Variants in AOAH observed in about 807,000 individuals in gnomAD.
The protein encoded by AOAH is acyloxyacyl hydrolase.
AOAH carries 64 observed loss-of-function variants against 92.2 expected under a neutral mutation model. That is an observed-to-expected ratio of 0.69 (90% CI 0.57 to 0.86). The LOEUF is 0.86. AOAH is among the 40% of genes least tolerant of loss of function. The probability of loss-of-function intolerance (pLI) is 0.00; values close to 1 mark genes in which losing one functional copy is unlikely to be tolerated. For synonymous variants in AOAH, 263 were observed against 254.5 expected, an observed-to-expected ratio of 1.03 and a Z score of -0.32; for missense variants, 656 against 694.6, an observed-to-expected ratio of 0.94 and a Z score of 0.62.
chr7:36,583,609 G>T (rs1322904029), intron 12 of AOAH, among the ~76,000 whole-genome samples: 2 of 152,158 alleles, frequency 1.3e-5, no homozygotes, highest in African/African-American at 4.8e-5. Context: ...TACAGAGGAG[G>T]TCCTAGGAGT....
At chr7:36,659,387 T>A in intron 3 of AOAH, 122 bp from the exon 4 acceptor site, 2 of 780,286 alleles carry the variant, frequency 2.6e-6, no homozygotes, top group East Asian at 2.7e-5. Flanking sequence ...CCTTGCAGAG[T>A]GGCCTTTGAC....
Position 36,540,420 on chromosome 7 carries a change from T to A in AOAH, c.1205A>T (p.His402Leu). Reference protein sequence around the residue: ...LYSNVMQTLKHLNSHLPNGSH... With the variant: ...LYSNVMQTLKLLNSHLPNGSH... ...GCCATTGGGCAGGTGGGAATTTAGA[T>A]GCTTCAGAGTCTGCATGACGTTGGA... is the stretch of plus-strand genomic sequence containing the variant. The change falls in exon 16 of 21, where the codon CAT (histidine) becomes CTT (leucine). Residue 402 changes from histidine (H) to leucine (L), a missense_variant. Physicochemically the swap from His to Leu is moderately conservative, Grantham distance 99. Coordinates refer to ENST00000617537, the MANE Select transcript of AOAH (RefSeq NM_001637.4). 1.2e-6 allele frequency: 2 copies of A among 1,614,156 alleles called. No homozygotes were observed. Among genetic ancestry groups the A allele is most frequent in the Non-Finnish European group, 1.7e-6 (2 of 1,179,988 alleles).
At chr7:36,586,636 G>A (rs1219657866) in intron 12 of AOAH, among the ~76,000 whole-genome samples, 2 of 152,088 alleles carry the variant, frequency 1.3e-5, no homozygotes, top group Non-Finnish European at 2.9e-5. Context: ...TCAAACTTTT[G>A]CTCTCAGGAC....
chr7:36,658,943 C>T (rs537579911), intron 4 of AOAH, among the ~76,000 whole-genome samples: 1 of 152,326 alleles, frequency 6.6e-6, no homozygotes, highest in Non-Finnish European at 1.5e-5. Flanking sequence ...CTCAAAATTA[C>T]AGTCCACAAT....
In AOAH at chr7:36,516,469, C is replaced by CCACACACA. The variant is rs60180758; in HGVS notation, c.1600-3097_1600-3090dup. The stretch of plus-strand genomic sequence containing the variant: ...CACACACACAGAAAGTGCACGGATA[C>CCACACACA]CACACACACACACACACAGAAAGCG... On this transcript the variant is annotated intron_variant, in intron 20 of 20. Transcript: ENST00000617537. This position sits in a 1 kb window ranked among gnomAD's most constrained non-coding sequence, Gnocchi z 5.0. Among the ~76,000 whole-genome samples, 1 of 88,334 alleles carries CCACACACA rather than the reference C, an allele frequency of 1.1e-5. No homozygotes were observed. The highest frequency in any genetic ancestry group is 3.6e-4 in the East Asian group (1 of 2,794). 58.0% of individuals were successfully genotyped at this position (88,334 alleles called of 152,430 possible).
At chr7:36,653,342 TTTTA>T (rs879637722) in intron 4 of AOAH, among the ~76,000 whole-genome samples, 4 of 152,242 alleles carry the variant, frequency 2.6e-5, no homozygotes, top group South Asian at 2.1e-4. Flanking sequence ...ATGCCAGGTA[TTTTA>T]TTTGACACCT....
chr7:36,627,185 A>ATGC (rs1171206522), intron 6 of AOAH, among the ~76,000 whole-genome samples: 63 of 152,348 alleles, frequency 4.1e-4, no homozygotes, highest in African/African-American at 1.4e-3. Context: ...TAATGCATCA[A>ATGC]AAGATAACTA....
chr7:36,598,679 C>T (rs1439988561), intron 11 of AOAH, among the ~76,000 whole-genome samples: 1 of 152,124 alleles, frequency 6.6e-6, no homozygotes, highest in Non-Finnish European at 1.5e-5. Flanking sequence ...TTTGAGCACA[C>T]TAATAGAAGC....
intron 18 of AOAH, among the ~76,000 whole-genome samples, chr7:36,531,245 T>A (rs763610243): frequency 6.6e-6 from 1 of 152,188 alleles, no homozygotes; most frequent in Non-Finnish European, 1.5e-5. Context: ...GAATTTTGCG[T>A]GATATTTGTT....
chr7:36,607,023 T>C (rs979946811), intron 11 of AOAH, among the ~76,000 whole-genome samples: 2 of 152,162 alleles, frequency 1.3e-5, no homozygotes, highest in Non-Finnish European at 2.9e-5. Flanking sequence ...ACAAATATCT[T>C]TCCAGATGAA....
intron 12 of AOAH, among the ~76,000 whole-genome samples, chr7:36,593,017 G>A (rs2718175): frequency 0.51 from 77,621 of 151,896 alleles, 20,095 homozygotes; most frequent in East Asian, 0.62. Context: ...TTTCTTCTAT[G>A]CCCCTTTTAT....
chr7:36,569,938 A>T (rs1788020199), intron 13 of AOAH, among the ~76,000 whole-genome samples: 1 of 151,400 alleles, frequency 6.6e-6, no homozygotes, highest in Admixed American at 6.6e-5. Flanking sequence ...ATTTTATACC[A>T]CTTTAATATT....
At chr7:36,579,452 T>A (rs1011201731) in intron 12 of AOAH, among the ~76,000 whole-genome samples, 4 of 151,758 alleles carry the variant, frequency 2.6e-5, no homozygotes, top group Admixed American at 2.6e-4. Flanking sequence ...TATACAACAA[T>A]AACATAAATC....
At chr7:36,574,851 C>CT (rs999090355) in intron 13 of AOAH, among the ~76,000 whole-genome samples, 12 of 151,846 alleles carry the variant, frequency 7.9e-5, no homozygotes, top group Non-Finnish European at 1.2e-4. Flanking sequence ...CTACGTATAC[C>CT]TTTTTTTTCC....
chr7:36,722,020 C>G (rs1799659212), intron 1 of AOAH, among the ~76,000 whole-genome samples: 1 of 152,126 alleles, frequency 6.6e-6, no homozygotes, highest in East Asian at 1.9e-4. Flanking sequence ...GATGAGCCAA[C>G]CCTCTAGCCA....
intron 4 of AOAH, among the ~76,000 whole-genome samples, chr7:36,645,351 C>T (rs1336487073): frequency 6.6e-6 from 1 of 152,120 alleles, no homozygotes; most frequent in African/African-American, 2.4e-5. Context: ...CTGTTGGCAC[C>T]GTGATATTGG....
At chr7:36,662,473 T>A (rs1456249022) in intron 3 of AOAH, among the ~76,000 whole-genome samples, 1 of 152,218 alleles carries the variant, frequency 6.6e-6, no homozygotes, top group Non-Finnish European at 1.5e-5. Context: ...ACCAAACTAA[T>A]GTCTACCAGG....
chr7:36,595,536 AAAAT>A (rs1790041978), intron 11 of AOAH, among the ~76,000 whole-genome samples: 1 of 152,228 alleles, frequency 6.6e-6, no homozygotes, highest in South Asian at 2.1e-4. Context: ...CTCTGTCTCA[AAAAT>A]AAATAAATAC....
At chr7:36,575,254 C>T (rs1012605340) in intron 13 of AOAH, among the ~76,000 whole-genome samples, 11 of 152,142 alleles carry the variant, frequency 7.2e-5, no homozygotes, top group African/African-American at 2.7e-4. Context: ...GGGATCATAG[C>T]CCAATGACTG....
Sources: gnomAD v4.1 joint callset for allele counts (sites outside exome capture counted in the v4.1 genomes callset) on GRCh38, gnomAD v4.1.1 for gene constraint, Gnocchi (gnomAD v3.1) non-coding constraint, MANE v1.5 for transcripts, NCBI Gene and HGNC (gene_info 2026-07-23, HGNC 2026-07-21) for gene names.